PKHD1: variants seen among roughly 807,000 people sequenced by gnomAD.
PKHD1 encodes the protein fibrocystin.
PKHD1 carries 291 observed loss-of-function variants against 412.0 expected under a neutral mutation model. The observed-to-expected ratio is 0.71, with a 90% CI of 0.64 to 0.78. The LOEUF (loss-of-function observed/expected upper bound fraction) is 0.78, where lower values mean the gene tolerates loss of function less well. PKHD1 is among the 30% of genes least tolerant of loss of function. The pLI is 0.00. For missense variants in PKHD1, 4,825 were observed against 4,950.7 expected (o/e 0.97, Z 0.76); for synonymous variants, 1,777 against 1,821.5 (o/e 0.98, Z 0.62).
chr6:51,728,814 A>C (rs1255855025), intron 60 of PKHD1, among the ~76,000 whole-genome samples: 1 of 152,222 alleles, frequency 6.6e-6, no homozygotes, highest in Admixed American at 6.5e-5. Flanking sequence ...TTGTACAAAA[A>C]CCAGGATGTC....
chr6:51,949,658 G>A (rs564380048), intron 36 of PKHD1, among the ~76,000 whole-genome samples: 23 of 152,224 alleles, frequency 1.5e-4, no homozygotes, highest in African/African-American at 4.8e-4. Context: ...GCTGGCAAAC[G>A]AGAGCCCCCA....
chr6:51,818,053 C>T (rs1009303385), intron 52 of PKHD1, among the ~76,000 whole-genome samples: 2 of 152,120 alleles, frequency 1.3e-5, no homozygotes, highest in African/African-American at 4.8e-5. Flanking sequence ...GTTACGTTAT[C>T]ATGTAAATAA....
chr6:51,926,663 A>C (rs1254582230), intron 37 of PKHD1, among the ~76,000 whole-genome samples: 6 of 152,156 alleles, frequency 3.9e-5, no homozygotes, highest in Non-Finnish European at 8.8e-5. Flanking sequence ...AGTCCCCTAA[A>C]GTGTGGTTTA....
At chr6:51,710,433 C>CT (rs954053700) in intron 60 of PKHD1, among the ~76,000 whole-genome samples, 3 of 151,846 alleles carry the variant, frequency 2.0e-5, no homozygotes, top group African/African-American at 7.3e-5. Flanking sequence ...TATTGCATTC[C>CT]TTTTTTTAAT....
chr6:51,950,710 G>A (rs551580229), intron 36 of PKHD1, among the ~76,000 whole-genome samples: 3 of 152,272 alleles, frequency 2.0e-5, no homozygotes, highest in South Asian at 4.1e-4. Flanking sequence ...CTAGGTGTCC[G>A]TAGGCTGGTG....
At chr6:52,046,276 C>T in intron 23 of PKHD1, 88 bp from the exon 24 acceptor site, 1 of 996,212 alleles carries the variant, frequency 1.0e-6, no homozygotes, top group South Asian at 1.3e-5. Context: ...ACGATACATA[C>T]TAGGATGCCT....
At position 51,748,282 on chromosome 6, in the gene PKHD1, A is replaced by C. The variant is rs1457508763; in HGVS notation, c.9334T>G (p.Ser3112Ala). The C allele has an allele frequency of 1.9e-6, 3 of 1,613,912 alleles. No homozygotes were observed. Among genetic ancestry groups the C allele is most frequent in the Non-Finnish European group, 2.5e-6 (3 of 1,179,958 alleles). ...TCAGACCAAAGCAGTTCACAAGAGG[A>C]GCACTTGTGGCCTCGGATGTGAAAG... is the stretch of plus-strand genomic sequence containing the variant. ...LGFHIRGHKC[S>A]SCELLWSDNV... is the part of the protein sequence containing the mutation. The change falls in exon 58 of 67, where the codon TCC becomes GCC. Residue 3112 changes from serine to alanine, a missense_variant. Coordinates refer to ENST00000371117, the MANE Select transcript of PKHD1 (RefSeq NM_138694.4).
At chr6:51,644,827 A>C (rs1050318008) in intron 63 of PKHD1, among the ~76,000 whole-genome samples, 2 of 152,106 alleles carry the variant, frequency 1.3e-5, no homozygotes, top group African/African-American at 4.8e-5. Context: ...CTTCAGGTGC[A>C]TGCCATCATG....
At chr6:51,887,037 C>T in intron 44 of PKHD1, 96 bp downstream of exon 44, 1 of 818,582 alleles carries the variant, frequency 1.2e-6, no homozygotes, top group Non-Finnish European at 2.1e-6. Flanking sequence ...CACCCAATCT[C>T]CAACAAATGC....
At chr6:51,908,621 T>C (rs535438378) in intron 40 of PKHD1, among the ~76,000 whole-genome samples, 27 of 152,166 alleles carry the variant, frequency 1.8e-4, no homozygotes, top group Non-Finnish European at 3.2e-4. Flanking sequence ...CTTTTATCAG[T>C]GCATTTGGTC....
chr6:52,069,978 A>G (rs1386350319), intron 10 of PKHD1, among the ~76,000 whole-genome samples: 2 of 152,198 alleles, frequency 1.3e-5, no homozygotes, highest in South Asian at 2.1e-4. Flanking sequence ...GGGGCAAAAT[A>G]TAAGGTAAGG....
chr6:51,725,908 C>G (rs1223890616), intron 60 of PKHD1, among the ~76,000 whole-genome samples: 1 of 152,162 alleles, frequency 6.6e-6, no homozygotes, highest in African/African-American at 2.4e-5. Flanking sequence ...TTTGCAAAAC[C>G]CAGGAGGCCA....
At chr6:52,063,697 A>T (rs1809041116) in intron 13 of PKHD1, among the ~76,000 whole-genome samples, 1 of 152,156 alleles carries the variant, frequency 6.6e-6, no homozygotes, top group African/African-American at 2.4e-5. Flanking sequence ...TCAGCCCACT[A>T]GATGTCAGTA....
At chr6:51,722,444 T>C (rs151010499) in intron 60 of PKHD1, among the ~76,000 whole-genome samples, 7 of 152,328 alleles carry the variant, frequency 4.6e-5, no homozygotes, top group Non-Finnish European at 7.3e-5. Flanking sequence ...ATGCAAAGCC[T>C]GGCTTTATCA....
chr6:51,968,772 T>A (rs1216952734), intron 35 of PKHD1, among the ~76,000 whole-genome samples: 1 of 152,134 alleles, frequency 6.6e-6, no homozygotes, highest in Non-Finnish European at 1.5e-5. Context: ...CAGAAAAACA[T>A]GGAACAGACT....
At position 51,773,197 on chromosome 6, in the gene PKHD1, T is replaced by C. The variant is rs190433220; in HGVS notation, c.8555-408A>G. Among the ~76,000 whole-genome samples the C allele has an allele frequency of 1.2e-4, 19 of 152,140 alleles. No homozygotes were observed. The East Asian group carries it at 3.5e-3, about 28-fold the overall frequency. ...TTCTCCAAAAGCATGGTTAACTCTA[T>C]TTCCTTAGGATAGAGTTTTGGAGCT... On this transcript the variant is annotated intron_variant, in intron 54 of 66. Transcript: ENST00000371117.
chr6:51,730,696 T>A (rs534814288), intron 60 of PKHD1, among the ~76,000 whole-genome samples: 2 of 152,302 alleles, frequency 1.3e-5, no homozygotes, highest in Admixed American at 6.5e-5. Context: ...AATATTGAGA[T>A]GAGAATTTGC....
intron 60 of PKHD1, among the ~76,000 whole-genome samples, chr6:51,661,227 C>T (rs1459036635): frequency 6.6e-6 from 1 of 151,266 alleles, no homozygotes; most frequent in Non-Finnish European, 1.5e-5. Context: ...CCTCAGGAAC[C>T]AGAAATATAG....
At chr6:52,062,974 C>A (rs945938866) in intron 13 of PKHD1, among the ~76,000 whole-genome samples, 1 of 152,108 alleles carries the variant, frequency 6.6e-6, no homozygotes, top group Non-Finnish European at 1.5e-5. Flanking sequence ...AAAAGGAGGA[C>A]AATGTGACTG....
Sources: gnomAD v4.1 joint callset for allele counts (sites outside exome capture counted in the v4.1 genomes callset) on GRCh38, gnomAD v4.1.1 for gene constraint, MANE v1.5 for transcripts, NCBI Gene and HGNC (gene_info 2026-07-23, HGNC 2026-07-21) for gene names.